Variants in GALNTL6 observed in about 807,000 individuals in gnomAD.
GALNTL6 encodes the protein polypeptide N-acetylgalactosaminyltransferase-like 6.
GALNTL6 carries 46 observed loss-of-function variants against 73.7 expected under a neutral mutation model. The ratio of observed to expected loss-of-function variants is 0.62; its 90% confidence interval spans 0.49 to 0.80. The LOEUF is 0.80. Ranked by LOEUF, GALNTL6 falls within the 30% of genes least tolerant of loss-of-function variation. The probability of loss-of-function intolerance (pLI) is 0.00; values close to 1 mark genes in which losing one functional copy is unlikely to be tolerated. For missense variants in GALNTL6, 604 were observed against 755.0 expected, an observed-to-expected ratio of 0.80 and a Z score of 2.34; for synonymous variants, 259 against 263.7, an observed-to-expected ratio of 0.98 and a Z score of 0.17.
At chr4:172,494,518 AG>A (rs1561110468) in intron 5 of GALNTL6, among the ~76,000 whole-genome samples, 1 of 152,216 alleles carries the variant, frequency 6.6e-6, no homozygotes, top group Non-Finnish European at 1.5e-5. Flanking sequence ...GAGTTTATTG[AG>A]TATTGACTCA....
intron 3 of GALNTL6, among the ~76,000 whole-genome samples, chr4:172,230,575 G>A (rs149850689): frequency 5.4e-5 from 8 of 148,482 alleles, no homozygotes; most frequent in Admixed American, 2.7e-4. Flanking sequence ...GTGAGACTCC[G>A]TTTCAAAAAA....
chr4:172,738,949 G>C (rs892178562), intron 5 of GALNTL6, among the ~76,000 whole-genome samples: 1 of 152,194 alleles, frequency 6.6e-6, no homozygotes, highest in African/African-American at 2.4e-5. Context: ...ATAAGAGGTT[G>C]TAGAGACCAA....
intron 2 of GALNTL6, among the ~76,000 whole-genome samples, chr4:171,990,225 T>C (rs1740294580): frequency 6.6e-6 from 1 of 152,232 alleles, no homozygotes; most frequent in South Asian, 2.1e-4. Flanking sequence ...GATAAACATT[T>C]GCATAAAAAT....
At chr4:172,534,811 C>T (rs1377933872) in intron 5 of GALNTL6, among the ~76,000 whole-genome samples, 1 of 152,120 alleles carries the variant, frequency 6.6e-6, no homozygotes, top group Non-Finnish European at 1.5e-5. Flanking sequence ...CTTGATCTGC[C>T]CACCTCGGCC....
chr4:172,986,318 A>G (rs1251659102), intron 10 of GALNTL6, among the ~76,000 whole-genome samples: 1 of 152,194 alleles, frequency 6.6e-6, no homozygotes, highest in African/African-American at 2.4e-5. Context: ...TTGCATGACA[A>G]TGATGTTAGT....
At chr4:172,766,683 C>A (rs1183556259) in intron 5 of GALNTL6, among the ~76,000 whole-genome samples, 1 of 152,116 alleles carries the variant, frequency 6.6e-6, no homozygotes, top group Non-Finnish European at 1.5e-5. Flanking sequence ...GTTGTAAAGT[C>A]TCAAAAGAAG....
At chr4:172,228,324 C>T (rs1006512309) in intron 2 of GALNTL6, among the ~76,000 whole-genome samples, 12 of 151,988 alleles carry the variant, frequency 7.9e-5, no homozygotes, top group African/African-American at 2.7e-4. Context: ...ATTTGTCCCT[C>T]TTTTTTTCTG....
rs993342227 is a variant in GALNTL6, at chr4:172,067,535, A to G, written c.139-162121A>G. Reference sequence around the variant, plus strand: ...GACATCTAATTGGGAATTCAAACTTAGTGTGGTCAAAGCAGATGTCTTGAT... The same window carrying G: ...GACATCTAATTGGGAATTCAAACTTGGTGTGGTCAAAGCAGATGTCTTGAT... On this transcript the variant is annotated intron_variant, in intron 2 of 12. Transcript: ENST00000506823. 1.8e-5 allele frequency among the ~76,000 whole-genome samples: 2 copies of G among 113,558 alleles called. 1 individual carries two copies. Among genetic ancestry groups the G allele is most frequent in the African/African-American group, 6.5e-5 (2 of 30,570 alleles). The allele number at this position is 113,558 out of a possible 152,430, so 74.5% of individuals were successfully genotyped here.
intron 5 of GALNTL6, among the ~76,000 whole-genome samples, chr4:172,784,310 A>G (rs2110907555): frequency 6.6e-6 from 1 of 152,242 alleles, no homozygotes; most frequent in Admixed American, 6.5e-5. Flanking sequence ...AAAGCACAAC[A>G]TTATTTTGAA....
Position 172,546,572 on chromosome 4 carries a change from A to T in GALNTL6, c.553+197883A>T, listed in dbSNP as rs1304775821. Among the ~76,000 whole-genome samples the T allele has an allele frequency of 2.0e-5, 3 of 151,506 alleles. No homozygotes were observed. In the East Asian group the frequency reaches 5.8e-4, roughly 29 times the overall value. On this transcript the variant is annotated intron_variant, in intron 5 of 12. Coordinates refer to ENST00000506823, the MANE Select transcript of GALNTL6 (RefSeq NM_001034845.3). Reference sequence around the variant, plus strand: ...CCATGATTGTTTCTTCTTGCCTTCCAACCATGATAAGTAGACCTGGAAAAG... The same window carrying T: ...CCATGATTGTTTCTTCTTGCCTTCCTACCATGATAAGTAGACCTGGAAAAG...
At chr4:172,242,505 T>TA (rs1183923830) in intron 3 of GALNTL6, among the ~76,000 whole-genome samples, 1 of 152,186 alleles carries the variant, frequency 6.6e-6, no homozygotes, top group Non-Finnish European at 1.5e-5. Context: ...ACTCAACGTT[T>TA]TTAAAAAGCT....
intron 4 of GALNTL6, among the ~76,000 whole-genome samples, chr4:172,337,035 C>CT (rs1475385177): frequency 6.6e-6 from 1 of 151,958 alleles, no homozygotes; most frequent in Non-Finnish European, 1.5e-5. Flanking sequence ...TTCTTTTTCC[C>CT]TTTTTTGCTG....
chr4:172,472,955 G>A (rs1733104009), intron 5 of GALNTL6, among the ~76,000 whole-genome samples: 2 of 152,106 alleles, frequency 1.3e-5, no homozygotes, highest in Admixed American at 1.3e-4. Context: ...TTTTGCTAAA[G>A]GCCATGATTT....
At chr4:171,988,980 A>C (rs2111093809) in intron 2 of GALNTL6, among the ~76,000 whole-genome samples, 1 of 152,146 alleles carries the variant, frequency 6.6e-6, no homozygotes, top group Admixed American at 6.5e-5. Flanking sequence ...GGAAGCAGAT[A>C]ATTTAGTTAA....
At chr4:172,294,404 G>A (rs914479861) in intron 3 of GALNTL6, among the ~76,000 whole-genome samples, 2 of 152,086 alleles carry the variant, frequency 1.3e-5, no homozygotes, top group African/African-American at 2.4e-5. Flanking sequence ...GACAGTTTGC[G>A]ATTTTTACTC....
At chr4:172,523,709 C>G (rs1734859411) in intron 5 of GALNTL6, among the ~76,000 whole-genome samples, 1 of 152,056 alleles carries the variant, frequency 6.6e-6, no homozygotes, top group Non-Finnish European at 1.5e-5. Context: ...TTTTTAAAAA[C>G]TCTGTATAGG....
intron 5 of GALNTL6, among the ~76,000 whole-genome samples, chr4:172,459,038 G>A (rs1579090629): frequency 6.6e-6 from 1 of 152,242 alleles, no homozygotes; most frequent in Admixed American, 6.5e-5. Flanking sequence ...CTTCATCCCT[G>A]GGATGCAAGG....
At chr4:172,854,160 C>T (rs1743994915) in intron 7 of GALNTL6, among the ~76,000 whole-genome samples, 1 of 152,154 alleles carries the variant, frequency 6.6e-6, no homozygotes, top group African/African-American at 2.4e-5. Context: ...CCTTGTCCTA[C>T]CTTTCTTCAA....
chr4:173,002,314 C>T, intron 10 of GALNTL6, among the ~76,000 whole-genome samples: 1 of 151,838 alleles, frequency 6.6e-6, no homozygotes, highest in East Asian at 1.9e-4. Context: ...CACTTGAACC[C>T]AGGAGGTGGA....
Sources: allele counts gnomAD v4.1 joint callset (sites outside exome capture counted in the v4.1 genomes callset), GRCh38; gene constraint gnomAD v4.1.1; transcripts MANE v1.5; gene names NCBI Gene and HGNC (gene_info 2026-07-23, HGNC 2026-07-21).